The following ZBTB20 variants were observed in gnomAD, a reference collection of about 807,000 sequenced individuals.
The protein encoded by ZBTB20 is zinc finger and BTB domain-containing protein 20.
A neutral mutation model predicts 56.9 loss-of-function variants in ZBTB20; 9 were observed. The ratio of observed to expected loss-of-function variants is 0.16; its 90% CI spans 0.10 to 0.28. The LOEUF (loss-of-function observed/expected upper bound fraction) is 0.28, where lower values mean the gene tolerates loss of function less well. Among genes scored for constraint, ZBTB20 ranks in the 10% least tolerant of loss-of-function variants. The pLI, the probability that ZBTB20 is intolerant of heterozygous loss-of-function variation, is 1.00. For missense variants in ZBTB20, 655 were observed against 1,003.0 expected (o/e 0.65, Z 4.69); for synonymous variants, 417 against 420.7 (o/e 0.99, Z 0.11).
intron 7 of ZBTB20, among the ~76,000 whole-genome samples, chr3:114,495,254 G>A (rs2043156635): frequency 1.3e-5 from 2 of 152,204 alleles, no homozygotes; most frequent in Admixed American, 6.5e-5. Context: ...TACATAGCAT[G>A]TTTTTAATAA....
chr3:114,413,735 T>G (rs2108781164), intron 7 of ZBTB20, among the ~76,000 whole-genome samples: 1 of 152,224 alleles, frequency 6.6e-6, no homozygotes, highest in East Asian at 1.9e-4. Context: ...ATTATGCCAC[T>G]CCTTCTCTGC....
At chr3:114,346,961 C>G (rs2080237069) in intron 11 of ZBTB20, among the ~76,000 whole-genome samples, 1 of 151,800 alleles carries the variant, frequency 6.6e-6, no homozygotes, top group South Asian at 2.1e-4. Flanking sequence ...CCTGGGATTA[C>G]AGGCGTGAGC....
intron 2 of ZBTB20, among the ~76,000 whole-genome samples, chr3:115,010,055 T>C (rs900958646): frequency 1.3e-5 from 2 of 151,970 alleles, no homozygotes; most frequent in African/African-American, 4.8e-5. Context: ...CTTTCCTACT[T>C]TTGTCCCACT....
At chr3:115,093,107 G>A (rs1278810726) in intron 1 of ZBTB20, among the ~76,000 whole-genome samples, 2 of 152,024 alleles carry the variant, frequency 1.3e-5, no homozygotes. Flanking sequence ...AAGTCACAAA[G>A]TCAGAACAAA....
intron 4 of ZBTB20, among the ~76,000 whole-genome samples, chr3:114,895,629 T>A (rs544847158): frequency 3.1e-4 from 47 of 152,296 alleles, no homozygotes; most frequent in African/African-American, 1.1e-3. Context: ...TTTCTTAATG[T>A]ATGTGTCCCA....
At chr3:114,688,123 G>C (rs1249501089) in intron 6 of ZBTB20, 1 of 152,038 alleles carries the variant, frequency 6.6e-6, no homozygotes, top group African/African-American at 2.4e-5. Flanking sequence ...CCAGCTACTT[G>C]GGAGGCTAAG....
At chr3:114,972,231 T>C (rs2077914238) in intron 3 of ZBTB20, among the ~76,000 whole-genome samples, 1 of 152,130 alleles carries the variant, frequency 6.6e-6, no homozygotes, top group African/African-American at 2.4e-5. Flanking sequence ...TTAAAGTGAG[T>C]CCATTTCATT....
intron 4 of ZBTB20, among the ~76,000 whole-genome samples, chr3:114,844,837 T>C (rs2074606928): frequency 6.9e-6 from 1 of 145,938 alleles, no homozygotes; most frequent in Admixed American, 7.1e-5. Context: ...CATGTGCTCA[T>C]CATATACCAT....
chr3:114,715,910 C>T (rs963242121), intron 5 of ZBTB20, among the ~76,000 whole-genome samples: 2 of 152,180 alleles, frequency 1.3e-5, no homozygotes, highest in Admixed American at 1.3e-4. Context: ...CAAATGGATT[C>T]TGAGCAACTA....
chr3:114,875,955 T>C (rs1217654445), intron 4 of ZBTB20, among the ~76,000 whole-genome samples: 1 of 152,084 alleles, frequency 6.6e-6, no homozygotes, highest in Non-Finnish European at 1.5e-5. Flanking sequence ...AATTTTAGGC[T>C]CAGTGCAGTG....
At chr3:114,656,676 T>C (rs2060422466) in intron 6 of ZBTB20, among the ~76,000 whole-genome samples, 1 of 152,138 alleles carries the variant, frequency 6.6e-6, no homozygotes, top group Non-Finnish European at 1.5e-5. Flanking sequence ...TACCTTAACT[T>C]TTTACTTATT....
Position 114,498,702 on chromosome 3 carries a change from G to T in ZBTB20, c.-255+1650C>A, listed in dbSNP as rs187499898. On this transcript the variant is annotated intron_variant, in intron 7 of 11. Transcript: ENST00000675478. Reference sequence around the variant, plus strand: ...GGTCACTCCCCCAGCCTTATGTGTGGTTAAAAAATAGGATATCTCTAGAAG... The same window carrying T: ...GGTCACTCCCCCAGCCTTATGTGTGTTTAAAAAATAGGATATCTCTAGAAG... Among the ~76,000 whole-genome samples, 141 of 152,288 alleles carry T rather than the reference G, an allele frequency of 9.3e-4. 1 individual carries two copies. In the Middle Eastern group the frequency reaches 0.017, roughly 18 times the overall value.
At chr3:114,435,308 C>T (rs2090443599) in intron 7 of ZBTB20, among the ~76,000 whole-genome samples, 2 of 152,100 alleles carry the variant, frequency 1.3e-5, no homozygotes, top group African/African-American at 4.8e-5. Flanking sequence ...ACACCTGGTA[C>T]ACGTTTGGCA....
chr3:115,079,483 G>A (rs532538698), intron 1 of ZBTB20, among the ~76,000 whole-genome samples: 12 of 152,206 alleles, frequency 7.9e-5, no homozygotes, highest in African/African-American at 2.9e-4. Context: ...CCGCCTCCTG[G>A]GTTCAAGCGA....
chr3:114,552,972 G>C (rs2050760768), intron 6 of ZBTB20, among the ~76,000 whole-genome samples: 1 of 152,132 alleles, frequency 6.6e-6, no homozygotes, highest in Non-Finnish European at 1.5e-5. Flanking sequence ...TAGTGATGCT[G>C]GGTCACTCCA....
chr3:114,759,358 A>G (rs1472111294), intron 5 of ZBTB20: 1 of 152,098 alleles, frequency 6.6e-6, no homozygotes, highest in Non-Finnish European at 1.5e-5. Context: ...AAACACCTCT[A>G]ATCATACTCT....
At chr3:114,706,447 T>C (rs927292288) in intron 5 of ZBTB20, among the ~76,000 whole-genome samples, 5 of 152,162 alleles carry the variant, frequency 3.3e-5, no homozygotes, top group East Asian at 3.8e-4. Flanking sequence ...ATGTGTTCCA[T>C]GTAAAAGTGG....
chr3:114,375,721 T>G (rs1036115677), intron 10 of ZBTB20: 1 of 152,220 alleles, frequency 6.6e-6, no homozygotes, highest in Non-Finnish European at 1.5e-5. Context: ...CAGAAATGAA[T>G]AATTTCCTTC....
At chr3:114,507,229 G>A (rs1297157022) in intron 6 of ZBTB20, among the ~76,000 whole-genome samples, 1 of 152,104 alleles carries the variant, frequency 6.6e-6, no homozygotes, top group Admixed American at 6.6e-5. Flanking sequence ...GAACACAAAT[G>A]CCCTGTCCAT....
Sources: allele counts gnomAD v4.1 joint callset (sites outside exome capture counted in the v4.1 genomes callset), GRCh38; gene constraint gnomAD v4.1.1; transcripts MANE v1.5; gene names NCBI Gene and HGNC (gene_info 2026-07-23, HGNC 2026-07-21).